Variants in OPHN1 observed in about 807,000 individuals in gnomAD.
OPHN1 encodes oligophrenin 1.
OPHN1 carries 11 observed loss-of-function variants against 60.7 expected under a neutral mutation model. The ratio of observed to expected loss-of-function variants is 0.18; its 90% CI spans 0.11 to 0.30. OPHN1 has a LOEUF of 0.30. Among genes scored for constraint, OPHN1 ranks in the 10% least tolerant of loss-of-function variants. The pLI, the probability that OPHN1 is intolerant of heterozygous loss-of-function variation, is 1.00. For missense variants in OPHN1, 449 were observed against 611.0 expected (o/e 0.73, Z 2.80); for synonymous variants, 226 against 222.6 (o/e 1.02, Z -0.14).
chrX:68,161,308 T>C (rs1413129905), intron 15 of OPHN1, among the ~76,000 whole-genome samples: 1 of 111,222 alleles, frequency 9.0e-6, no homozygotes, highest in Admixed American at 9.6e-5. Context: ...CTTCACAAAC[T>C]TCCAACAATT....
chrX:68,146,904 A>T (rs1004687128), intron 15 of OPHN1, among the ~76,000 whole-genome samples: 1 of 112,271 alleles, frequency 8.9e-6, no homozygotes, highest in African/African-American at 3.2e-5. Context: ...ATCCACACAC[A>T]AGTCTGTGTA....
chrX:68,131,495 C>T (rs1483035101), intron 15 of OPHN1, among the ~76,000 whole-genome samples: 1 of 111,516 alleles, frequency 9.0e-6, no homozygotes, highest in African/African-American at 3.3e-5. Flanking sequence ...GGATTACAGG[C>T]ATAAGCCACT....
chrX:68,182,197 T>TG (rs1366325972), intron 15 of OPHN1, among the ~76,000 whole-genome samples: 2 of 97,692 alleles, frequency 2.0e-5, no homozygotes, highest in Non-Finnish European at 4.1e-5. Context: ...AGTTTTTTTT[T>TG]TTTTTTTTTT....
chrX:68,251,255 C>T (rs771588537), intron 5 of OPHN1, among the ~76,000 whole-genome samples: 42 of 95,286 alleles, frequency 4.4e-4, no homozygotes, highest in Non-Finnish European at 7.7e-4. Context: ...GGCGCAATCT[C>T]GGCTCACTGC....
rs940787150 is a variant in OPHN1 at position 68,047,121 on chromosome X, T to G, written c.*51A>C. On this transcript the variant is annotated 3_prime_UTR_variant, in exon 25 of 25. Transcript: ENST00000355520. ...AAAGGTTTGAAGAAGAAAGACTCTT[T>G]CAGAACCTGGAAAGGGTCCTCTGAG... 3.6e-5 allele frequency: 4 copies of G among 112,035 alleles called. No homozygotes were observed. The highest frequency in any genetic ancestry group is 1.3e-4 in the African/African-American group (4 of 30,786). The allele number at this position is 112,035 out of a possible 1,213,427, so 9.2% of individuals were successfully genotyped here. A position where few individuals can be genotyped will look rare whatever the true frequency, so the allele number is the denominator to read the frequency against.
intron 19 of OPHN1, among the ~76,000 whole-genome samples, chrX:68,073,756 A>G (rs2076943990): frequency 8.9e-6 from 1 of 111,741 alleles, no homozygotes; most frequent in African/African-American, 3.3e-5. Context: ...TTACATGCCC[A>G]TATGCCTTAA....
intron 2 of OPHN1, among the ~76,000 whole-genome samples, chrX:68,321,412 C>T (rs924981976): frequency 8.9e-6 from 1 of 111,935 alleles, no homozygotes; most frequent in African/African-American, 3.2e-5. Flanking sequence ...CAGAAGGATA[C>T]AGAATTCAAA....
In OPHN1 at chrX:68,074,206, T is replaced by C. The variant is rs964406629; in HGVS notation, c.1687-907A>G. Among the ~76,000 whole-genome samples, 3 of 111,524 alleles carry C rather than the reference T, an allele frequency of 2.7e-5. No individual in the cohort carries two copies. The Admixed American group carries it at 2.9e-4, about 11-fold the overall frequency. ...AGAAATGTCAGAGCCCAATATCCCA[T>C]CAGGCAAGGGTCAACACAGACTACA... On this transcript the variant is annotated intron_variant, in intron 19 of 24. Coordinates refer to ENST00000355520, the MANE Select transcript of OPHN1 (RefSeq NM_002547.3).
At chrX:68,366,687 C>T (rs1290335073) in intron 2 of OPHN1, among the ~76,000 whole-genome samples, 5 of 111,280 alleles carry the variant, frequency 4.5e-5, no homozygotes, top group African/African-American at 6.5e-5. Flanking sequence ...TTTGAAATTA[C>T]GATACATTTT....
chrX:68,399,595 G>T (rs772305593), intron 2 of OPHN1, among the ~76,000 whole-genome samples: 1 of 111,504 alleles, frequency 9.0e-6, no homozygotes, highest in African/African-American at 3.2e-5. Context: ...TTGAACCCAG[G>T]AGGTAGAGGT....
At chrX:68,381,844 G>A (rs955140339) in intron 2 of OPHN1, among the ~76,000 whole-genome samples, 7 of 108,937 alleles carry the variant, frequency 6.4e-5, no homozygotes, top group South Asian at 7.9e-4. Flanking sequence ...TCTCTCTCTC[G>A]CTGTCTCTTT....
intron 2 of OPHN1, among the ~76,000 whole-genome samples, chrX:68,380,087 A>T (rs2078587149): frequency 1.8e-5 from 2 of 111,254 alleles, no homozygotes; most frequent in South Asian, 3.8e-4. Flanking sequence ...AGCTATTGAT[A>T]ATTGCCACAA....
intron 15 of OPHN1, among the ~76,000 whole-genome samples, chrX:68,129,593 C>T (rs959853609): frequency 8.9e-6 from 1 of 111,844 alleles, no homozygotes; most frequent in Non-Finnish European, 1.9e-5. Context: ...AGACCCTAAC[C>T]ACCACTCTCA....
At chrX:68,250,856 C>T (rs1476081911) in intron 5 of OPHN1, among the ~76,000 whole-genome samples, 1 of 111,210 alleles carries the variant, frequency 9.0e-6, no homozygotes. Context: ...ATATCTAGCC[C>T]ACTGTGCTTC....
intron 5 of OPHN1, among the ~76,000 whole-genome samples, chrX:68,241,798 G>A (rs949289403): frequency 2.7e-5 from 3 of 111,334 alleles, no homozygotes; most frequent in Non-Finnish European, 3.8e-5. Context: ...GTGAATGCCT[G>A]TAATCCCAGC....
intron 2 of OPHN1, among the ~76,000 whole-genome samples, chrX:68,324,629 T>A (rs4827576): frequency 0.29 from 30,114 of 102,092 alleles, 5,569 homozygotes; most frequent in African/African-American, 0.7. Context: ...AAAAAAAAAA[T>A]CTAAAAATAA....
At chrX:68,322,661 C>G (rs780850901) in intron 2 of OPHN1, among the ~76,000 whole-genome samples, 1 of 111,026 alleles carries the variant, frequency 9.0e-6, no homozygotes, top group East Asian at 2.9e-4. Context: ...GTGGTGTGTG[C>G]GTGTAATCCC....
intron 15 of OPHN1, among the ~76,000 whole-genome samples, chrX:68,168,569 C>T (rs1488515510): frequency 9.0e-6 from 1 of 110,967 alleles, no homozygotes; most frequent in Admixed American, 9.6e-5. Flanking sequence ...CTAAAATTGA[C>T]ACCTTAACAT....
At chrX:68,330,517 AT>A in intron 2 of OPHN1, among the ~76,000 whole-genome samples, 1 of 111,374 alleles carries the variant, frequency 9.0e-6, no homozygotes, top group Non-Finnish European at 1.9e-5. Flanking sequence ...AAGTTAATGA[AT>A]CCCAGCATGG....
Sources: allele counts gnomAD v4.1 joint callset (sites outside exome capture counted in the v4.1 genomes callset), GRCh38; gene constraint gnomAD v4.1.1; transcripts MANE v1.5; gene names NCBI Gene and HGNC (gene_info 2026-07-23, HGNC 2026-07-21).